ZMYND11: variants seen among roughly 807,000 people sequenced by gnomAD.
The protein encoded by ZMYND11 is zinc finger MYND-type containing 11, also known as zinc finger MYND domain-containing protein 11.
In ZMYND11, 9 loss-of-function variants were observed where a neutral mutation model predicts 84.9. That is an observed-to-expected ratio of 0.11 (90% CI 0.06 to 0.18). The LOEUF (loss-of-function observed/expected upper bound fraction) is 0.18. Among genes scored for constraint, ZMYND11 ranks in the 10% least tolerant of loss-of-function variants. The probability of loss-of-function intolerance (pLI) is 1.00; values close to 1 mark genes in which losing one functional copy is unlikely to be tolerated. For missense variants in ZMYND11, 409 were observed against 761.0 expected, an observed-to-expected ratio of 0.54 and a Z score of 5.44; for synonymous variants, 250 against 244.1, an observed-to-expected ratio of 1.02 and a Z score of -0.23.
intron 2 of ZMYND11, among the ~76,000 whole-genome samples, chr10:186,642 C>CAAAAAAAAAA (rs56345833): frequency 2.1e-5 from 2 of 95,156 alleles, no homozygotes; most frequent in African/African-American, 4.0e-5. Context: ...AGGACTCTCT[C>CAAAAAAAAAA]AAAAAAAAAA....
chr10:207,341 T>G (rs1426974750), intron 2 of ZMYND11, among the ~76,000 whole-genome samples: 2 of 152,228 alleles, frequency 1.3e-5, no homozygotes, highest in African/African-American at 4.8e-5. Flanking sequence ...TATAGTCCTT[T>G]GGGTATATAC....
intron 1 of ZMYND11, among the ~76,000 whole-genome samples, chr10:150,282 A>G (rs572720217): frequency 1.3e-5 from 2 of 152,220 alleles, no homozygotes; most frequent in African/African-American, 4.8e-5. Flanking sequence ...TATTGCCTCA[A>G]TTTCAGAGCC....
chr10:252,280 G>C lies in ZMYND11; in HGVS notation c.1687-68G>C, dbSNP rs1953674118. On this transcript the variant is annotated intron_variant, in intron 14 of 14. Transcript: ENST00000381604. This position sits in a 1 kb window ranked among gnomAD's most constrained non-coding sequence, Gnocchi z 4.6. ...TTTAAAAGCACCACCTCAAGAGTTT[G>C]CCATTTTAACCAGTCGCTTACACAT... 2 of 1,572,406 alleles carry C rather than the reference G, an allele frequency of 1.3e-6. No homozygotes were observed. The highest frequency in any genetic ancestry group is 8.7e-7 in the Non-Finnish European group (1 of 1,153,708).
At chr10:246,537 T>C (rs1952197943) in intron 10 of ZMYND11, among the ~76,000 whole-genome samples, 4 of 152,194 alleles carry the variant, frequency 2.6e-5, no homozygotes, top group Admixed American at 2.6e-4. Context: ...TCTCATTTAT[T>C]TTCCGCTTGG....
At chr10:243,486 T>C (rs1347424208) in intron 10 of ZMYND11, among the ~76,000 whole-genome samples, 1 of 152,238 alleles carries the variant, frequency 6.6e-6, no homozygotes, top group East Asian at 1.9e-4. Context: ...AGTAGCTTTA[T>C]ACTGTCTTCA....
chr10:160,867 G>A (rs912025643), intron 1 of ZMYND11, among the ~76,000 whole-genome samples: 10 of 151,608 alleles, frequency 6.6e-5, no homozygotes, highest in South Asian at 2.1e-4. Context: ...TAATTTGCCC[G>A]GATCCATCAG....
chr10:160,787 G>A (rs1305480562), intron 1 of ZMYND11, among the ~76,000 whole-genome samples: 1 of 152,064 alleles, frequency 6.6e-6, no homozygotes, highest in African/African-American at 2.4e-5. Context: ...TGAGATTATA[G>A]CAATTCAGTT....
chr10:156,427 A>G (rs1205776930), intron 1 of ZMYND11, among the ~76,000 whole-genome samples: 3 of 152,258 alleles, frequency 2.0e-5, no homozygotes, highest in African/African-American at 7.2e-5. Context: ...TGGAAAAATT[A>G]TAGAATGTAT....
At chr10:217,906 A>G (rs1421169671) in intron 3 of ZMYND11, among the ~76,000 whole-genome samples, 1 of 152,202 alleles carries the variant, frequency 6.6e-6, no homozygotes, top group Non-Finnish European at 1.5e-5. Flanking sequence ...TGCTATGTGA[A>G]TGACAGAGAC....
chr10:155,276 C>G (rs1231809271), intron 1 of ZMYND11, among the ~76,000 whole-genome samples: 2 of 152,062 alleles, frequency 1.3e-5, no homozygotes, highest in African/African-American at 4.8e-5. Context: ...ATGAAAAACC[C>G]TGTTGTTAAC....
intron 4 of ZMYND11, among the ~76,000 whole-genome samples, chr10:232,443 G>A (rs1949166540): frequency 1.3e-5 from 2 of 152,216 alleles, no homozygotes; most frequent in Non-Finnish European, 2.9e-5. Context: ...TACAGCAAAT[G>A]TTTTGTTCCT....
chr10:188,651 C>G (rs79920732), intron 2 of ZMYND11, among the ~76,000 whole-genome samples: 2,993 of 151,600 alleles, frequency 0.02, 94 homozygotes, highest in African/African-American at 0.068. Flanking sequence ...TGTTATTTCT[C>G]TAGATGCCGT....
At chr10:234,112 T>G (rs960713892) in intron 4 of ZMYND11, among the ~76,000 whole-genome samples, 1 of 152,252 alleles carries the variant, frequency 6.6e-6, no homozygotes, top group African/African-American at 2.4e-5. Flanking sequence ...TTAATTCTGA[T>G]ATAAAATTCT....
chr10:224,705 T>G (rs1480148403), intron 4 of ZMYND11, among the ~76,000 whole-genome samples: 3 of 152,180 alleles, frequency 2.0e-5, no homozygotes, highest in Non-Finnish European at 4.4e-5. Flanking sequence ...ATGTGGCTAG[T>G]GTGTATGTAC....
chr10:133,165 C>T (rs534088383), upstream of ZMYND11, among the ~76,000 whole-genome samples: 3 of 152,262 alleles, frequency 2.0e-5, no homozygotes, highest in South Asian at 6.2e-4. Context: ...TGTATATAAG[C>T]GTTCATTTCG....
intron 4 of ZMYND11, among the ~76,000 whole-genome samples, chr10:235,008 G>GTA (rs1352894992): frequency 6.6e-6 from 1 of 152,000 alleles, no homozygotes; most frequent in African/African-American, 2.4e-5. Context: ...GTGTGTGTGT[G>GTA]TGAAAAGCAC....
At chr10:248,218 A>C (rs1952582064) in intron 12 of ZMYND11, 118 bp from the exon 13 acceptor site, 2 of 1,308,400 alleles carry the variant, frequency 1.5e-6, no homozygotes, top group South Asian at 1.5e-5. Context: ...ATTTTTCAAC[A>C]GCAGTTTATT....
At chr10:241,925 AAAT>A (rs1368709217) in intron 9 of ZMYND11, 93 bp from the exon 10 acceptor site, 2 of 1,417,410 alleles carry the variant, frequency 1.4e-6, no homozygotes, top group African/African-American at 1.4e-5. Flanking sequence ...AATATTTTAG[AAAT>A]AATGGATTAT....
rs1589228651 is a variant in ZMYND11 at position 242,028 on chromosome 10, A to C, written c.839A>C (p.Asn280Thr). The C allele has an allele frequency of 1.9e-6, 3 of 1,614,140 alleles. No individual in the cohort carries two copies. The highest frequency in any genetic ancestry group is 1.7e-6 in the Non-Finnish European group (2 of 1,179,994). Residue 280 changes from asparagine (N) to threonine (T), a missense_variant, in exon 10 of 15, where the codon AAT (asparagine) becomes ACT (threonine). This residue lies in a region of ZMYND11 where 59 missense variants were observed against 151.0 expected (regional missense o/e 0.39). Coordinates refer to ENST00000381604, the MANE Select transcript of ZMYND11 (RefSeq NM_001370100.5). ...AAAACATTTAATTTCCAGATACCTA[A>C]TCATGAGCTGGTTTGGGCTAAAATG... is the stretch of plus-strand genomic sequence containing the variant. Reference protein sequence around the residue: ...DNWFCYPCIPNHELVWAKMKG... With the variant: ...DNWFCYPCIPTHELVWAKMKG...
Sources: gnomAD v4.1 joint callset for allele counts (sites outside exome capture counted in the v4.1 genomes callset) on GRCh38, gnomAD v4.1.1 for gene constraint, gnomAD v4.1.1 regional missense constraint, Gnocchi (gnomAD v3.1) non-coding constraint, MANE v1.5 for transcripts, NCBI Gene and HGNC (gene_info 2026-07-23, HGNC 2026-07-21) for gene names.